The following ATP8B4 variants were observed in gnomAD, a reference collection of about 807,000 sequenced individuals.
ATP8B4 encodes the protein probable phospholipid-transporting ATPase IM.
Under a neutral mutation model 145.6 loss-of-function variants are expected in ATP8B4, and 133 were observed. That is an observed-to-expected ratio of 0.91 (90% CI 0.79 to 1.05). The LOEUF (loss-of-function observed/expected upper bound fraction) is 1.05, where lower values mean the gene tolerates loss of function less well. Among genes scored for constraint, ATP8B4 ranks in the 50% least tolerant of loss-of-function variants. The probability of loss-of-function intolerance (pLI) is 0.00; values close to 1 mark genes in which losing one functional copy is unlikely to be tolerated. For missense variants in ATP8B4, 1,458 were observed against 1,425.2 expected (o/e 1.02, Z -0.37); for synonymous variants, 507 against 492.9 (o/e 1.03, Z -0.38).
At chr15:49,960,896 G>C (rs1474531277) in intron 14 of ATP8B4, among the ~76,000 whole-genome samples, 1 of 152,182 alleles carries the variant, frequency 6.6e-6, no homozygotes, top group Admixed American at 6.5e-5. Flanking sequence ...ACTTTGGGAG[G>C]CTGAGGCGGG....
At chr15:50,131,688 C>G (rs2044050176) in intron 1 of ATP8B4, among the ~76,000 whole-genome samples, 1 of 150,860 alleles carries the variant, frequency 6.6e-6, no homozygotes, top group South Asian at 2.1e-4. Flanking sequence ...TGATATACTT[C>G]AAACTCTTAG....
At position 50,080,948 on chromosome 15, in the gene ATP8B4, C is replaced by T. The variant is rs745906444; in HGVS notation, c.29-6763G>A. 5.7e-4 allele frequency among the ~76,000 whole-genome samples: 86 copies of T among 152,040 alleles called. No individual in the cohort carries two copies. In the Middle Eastern group the frequency reaches 0.01, roughly 18 times the overall value. On this transcript the variant is annotated intron_variant, in intron 2 of 27. Coordinates refer to ENST00000284509, the MANE Select transcript of ATP8B4 (RefSeq NM_024837.4). ...CTAACATGGTGAAACCCCATCTCTA[C>T]GAAAAATACAAAAAATTAGCCAGGC...
intron 1 of ATP8B4, among the ~76,000 whole-genome samples, chr15:50,124,637 G>A (rs1273097105): frequency 6.6e-6 from 1 of 152,020 alleles, no homozygotes; most frequent in East Asian, 1.9e-4. Flanking sequence ...TAAATTTATG[G>A]GTGCTAAATG....
At chr15:49,902,541 G>A (rs1006975239) in intron 20 of ATP8B4, among the ~76,000 whole-genome samples, 9 of 152,176 alleles carry the variant, frequency 5.9e-5, no homozygotes, top group African/African-American at 2.2e-4. Context: ...AGGTCACATG[G>A]TTCCAAGAAT....
chr15:49,894,987 A>G (rs780400581), intron 23 of ATP8B4: 7 of 152,236 alleles, frequency 4.6e-5, no homozygotes, highest in Non-Finnish European at 7.3e-5. Context: ...GTAAGATATA[A>G]TAGACTGGCT....
chr15:50,002,280 T>C (rs1026807771), intron 7 of ATP8B4, 57 bp from the exon 8 acceptor site: 224 of 1,393,084 alleles, frequency 1.6e-4, no homozygotes, highest in Non-Finnish European at 2.1e-4. Flanking sequence ...GTTGAAAGTC[T>C]TCTACAGTAT....
chr15:49,898,427 A>C (rs1175422621), intron 21 of ATP8B4, among the ~76,000 whole-genome samples, 176 bp from the exon 22 acceptor site: 1 of 152,234 alleles, frequency 6.6e-6, no homozygotes, highest in Admixed American at 6.5e-5. Context: ...CAAAGAAATG[A>C]GTATTGAACT....
intron 14 of ATP8B4, among the ~76,000 whole-genome samples, chr15:49,947,793 T>A (rs1204540114): frequency 6.6e-6 from 1 of 152,000 alleles, no homozygotes; most frequent in Non-Finnish European, 1.5e-5. Flanking sequence ...ACCAGTGGAA[T>A]AGAATAGAGA....
At chr15:50,039,610 G>C (rs1192979219) in intron 5 of ATP8B4, among the ~76,000 whole-genome samples, 1 of 152,174 alleles carries the variant, frequency 6.6e-6, no homozygotes, top group East Asian at 1.9e-4. Flanking sequence ...TTAGTAATAG[G>C]CTATAATATA....
chr15:50,002,290 T>C, intron 7 of ATP8B4, 67 bp from the exon 8 acceptor site: 1 of 1,307,046 alleles, frequency 7.7e-7, no homozygotes, highest in Non-Finnish European at 1.1e-6. Context: ...TTCTACAGTA[T>C]ATCACCTCTT....
intron 24 of ATP8B4, among the ~76,000 whole-genome samples, chr15:49,877,535 A>G (rs12902281): frequency 0.42 from 63,458 of 151,884 alleles, 13,273 homozygotes; most frequent in East Asian, 0.49. Context: ...TCTCTTTAGA[A>G]AGTCCTGTTT....
At chr15:50,019,021 G>A in intron 6 of ATP8B4, 1 of 945,622 alleles carries the variant, frequency 1.1e-6, no homozygotes, top group Non-Finnish European at 1.5e-6. Context: ...GTAAATCCAT[G>A]AATGACAAAT....
intron 1 of ATP8B4, among the ~76,000 whole-genome samples, chr15:50,147,576 G>T (rs751187917): frequency 6.6e-6 from 1 of 152,106 alleles, no homozygotes; most frequent in Non-Finnish European, 1.5e-5. Context: ...ACGGAGAAAT[G>T]GTTGATTCCA....
chr15:50,021,027 C>T (rs1392708837), intron 6 of ATP8B4, among the ~76,000 whole-genome samples: 1 of 152,000 alleles, frequency 6.6e-6, no homozygotes, highest in Admixed American at 6.6e-5. Context: ...TAGCAAGTTG[C>T]TGCAGCTATG....
chr15:50,148,741 T>C (rs1364316586), intron 1 of ATP8B4, among the ~76,000 whole-genome samples: 1 of 152,226 alleles, frequency 6.6e-6, no homozygotes, highest in Non-Finnish European at 1.5e-5. Flanking sequence ...CAGATATTAT[T>C]GAAGTAATTC....
chr15:49,966,004 G>T (rs2044503061), intron 13 of ATP8B4, among the ~76,000 whole-genome samples: 1 of 152,156 alleles, frequency 6.6e-6, no homozygotes, highest in Non-Finnish European at 1.5e-5. Flanking sequence ...ACCTCACCGG[G>T]GAAGTGCAAG....
At chr15:49,941,728 A>C (rs2042175979) in intron 14 of ATP8B4, among the ~76,000 whole-genome samples, 1 of 152,190 alleles carries the variant, frequency 6.6e-6, no homozygotes, top group South Asian at 2.1e-4. Flanking sequence ...ATATAAAAAG[A>C]CACCTGCACA....
At chr15:49,862,204 CA>C in intron 27 of ATP8B4, 40 bp downstream of exon 27, 7 of 1,591,290 alleles carry the variant, frequency 4.4e-6, no homozygotes, top group Non-Finnish European at 5.1e-6. Flanking sequence ...TTTCAAGAGC[CA>C]AAAACCAGCC....
chr15:49,923,783 A>G (rs1160016300), intron 16 of ATP8B4, among the ~76,000 whole-genome samples: 1 of 152,138 alleles, frequency 6.6e-6, no homozygotes, highest in Non-Finnish European at 1.5e-5. Flanking sequence ...ACTATTTCTG[A>G]AGGGTTGATA....
Sources: gnomAD v4.1 joint callset for allele counts (sites outside exome capture counted in the v4.1 genomes callset) on GRCh38, gnomAD v4.1.1 for gene constraint, MANE v1.5 for transcripts, NCBI Gene and HGNC (gene_info 2026-07-23, HGNC 2026-07-21) for gene names.